Variants in CCSER1 observed in about 807,000 individuals in gnomAD.
CCSER1 encodes the protein serine-rich coiled-coil domain-containing protein 1.
In CCSER1, 41 loss-of-function variants were observed where a neutral mutation model predicts 82.0. The observed-to-expected ratio is 0.50, with a 90% confidence interval of 0.39 to 0.65. The LOEUF (loss-of-function observed/expected upper bound fraction) is 0.65, where lower values mean the gene tolerates loss of function less well. Among genes scored for constraint, CCSER1 ranks in the 30% least tolerant of loss-of-function variants. The pLI is 0.00. For missense variants in CCSER1, 1,119 were observed against 1,064.2 expected (o/e 1.05, Z -0.72); for synonymous variants, 414 against 383.9 (o/e 1.08, Z -0.92).
intron 10 of CCSER1, among the ~76,000 whole-genome samples, chr4:91,347,579 T>A (rs1424648519): frequency 6.6e-6 from 1 of 152,066 alleles, no homozygotes; most frequent in East Asian, 1.9e-4. Context: ...ATCTTGACAA[T>A]GTTAAGTATT....
intron 10 of CCSER1, among the ~76,000 whole-genome samples, chr4:91,094,874 G>A (rs1208877450): frequency 1.3e-5 from 2 of 152,134 alleles, no homozygotes; most frequent in Non-Finnish European, 2.9e-5. Context: ...GCCCTGTTTT[G>A]TAAAGGAAAT....
intron 1 of CCSER1, among the ~76,000 whole-genome samples, chr4:90,249,566 A>G (rs1264010139): frequency 6.6e-6 from 1 of 152,136 alleles, no homozygotes; most frequent in East Asian, 1.9e-4. Flanking sequence ...CTTATTCTGA[A>G]CACTTCATAT....
At chr4:90,915,850 A>G (rs1231688337) in intron 8 of CCSER1, among the ~76,000 whole-genome samples, 3 of 152,048 alleles carry the variant, frequency 2.0e-5, no homozygotes, top group Admixed American at 1.3e-4. Context: ...AAAAATCACA[A>G]GCATTCTTAT....
intron 5 of CCSER1, among the ~76,000 whole-genome samples, chr4:90,589,983 T>C (rs957512512): frequency 6.6e-6 from 1 of 152,184 alleles, no homozygotes; most frequent in Admixed American, 6.5e-5. Context: ...GTAAAAACAC[T>C]TAATTTTAGG....
chr4:91,065,608 T>C (rs1308266691), intron 9 of CCSER1, among the ~76,000 whole-genome samples: 1 of 152,092 alleles, frequency 6.6e-6, no homozygotes, highest in African/African-American at 2.4e-5. Flanking sequence ...CATATGGATT[T>C]AATTTTTGTG....
At chr4:91,344,401 ATCTACAT>A (rs1038516689) in intron 10 of CCSER1, among the ~76,000 whole-genome samples, 1 of 152,236 alleles carries the variant, frequency 6.6e-6, no homozygotes, top group Non-Finnish European at 1.5e-5. Context: ...ACAAAGAAAT[ATCTACAT>A]TCTACATTTT....
intron 8 of CCSER1, among the ~76,000 whole-genome samples, chr4:90,889,863 A>T (rs951584577): frequency 6.6e-6 from 1 of 152,168 alleles, no homozygotes; most frequent in Non-Finnish European, 1.5e-5. Context: ...CTTTATTTGA[A>T]ATAGTAGCTG....
chr4:90,328,272 A>G (rs536092860), intron 3 of CCSER1, among the ~76,000 whole-genome samples: 1 of 152,278 alleles, frequency 6.6e-6, no homozygotes, highest in South Asian at 2.1e-4. Flanking sequence ...TCTGAAGGCA[A>G]TTATCTTTGG....
chr4:91,350,122 A>G (rs1320710130), intron 10 of CCSER1, among the ~76,000 whole-genome samples: 1 of 144,482 alleles, frequency 6.9e-6, no homozygotes, highest in East Asian at 2.3e-4. Context: ...TAAACCTTTA[A>G]TACATAAATT....
intron 8 of CCSER1, among the ~76,000 whole-genome samples, chr4:90,914,311 A>G (rs1016593590): frequency 2.6e-5 from 4 of 152,224 alleles, no homozygotes; most frequent in African/African-American, 7.2e-5. Context: ...ACCACAGTGC[A>G]ATCAAACTAG....
At chr4:90,128,346 G>C (rs911148193) in intron 1 of CCSER1, among the ~76,000 whole-genome samples, 1 of 152,198 alleles carries the variant, frequency 6.6e-6, no homozygotes, top group Non-Finnish European at 1.5e-5. Flanking sequence ...GTGCGGGGCC[G>C]GGACCACCTC....
intron 10 of CCSER1, among the ~76,000 whole-genome samples, chr4:91,363,357 T>G (rs13116301): frequency 0.065 from 9,041 of 139,476 alleles, 399 homozygotes; most frequent in East Asian, 0.22. Flanking sequence ...TGGAGATATT[T>G]TGTGTGTGTG....
intron 10 of CCSER1, among the ~76,000 whole-genome samples, chr4:91,277,723 A>C (rs562093740): frequency 1.1e-4 from 16 of 150,492 alleles, no homozygotes; most frequent in African/African-American, 3.9e-4. Context: ...TTTCTCTACT[A>C]ATTTTGGGTT....
intron 1 of CCSER1, among the ~76,000 whole-genome samples, chr4:90,272,871 C>A (rs1198393412): frequency 2.6e-5 from 4 of 152,096 alleles, no homozygotes; most frequent in Admixed American, 2.6e-4. Flanking sequence ...AGCATGGTGG[C>A]ATGCGCCTGT....
chr4:90,902,654 G>T (rs912800225), intron 8 of CCSER1, among the ~76,000 whole-genome samples: 6 of 152,032 alleles, frequency 3.9e-5, no homozygotes, highest in African/African-American at 1.2e-4. Context: ...CTCCTGCAAG[G>T]CTTAGGGTGA....
At chr4:90,797,874 A>T (rs1283126314) in intron 7 of CCSER1, among the ~76,000 whole-genome samples, 1 of 152,152 alleles carries the variant, frequency 6.6e-6, no homozygotes, top group Non-Finnish European at 1.5e-5. Flanking sequence ...TTTGTAGGTG[A>T]CTTGGCCTTT....
intron 9 of CCSER1, among the ~76,000 whole-genome samples, chr4:90,945,273 T>C (rs571591428): frequency 6.6e-6 from 1 of 152,104 alleles, no homozygotes; most frequent in South Asian, 2.1e-4. Flanking sequence ...AAATTAGAGG[T>C]ATTTTTTAAA....
At chr4:90,898,457 T>C (rs181031886) in intron 8 of CCSER1, among the ~76,000 whole-genome samples, 2 of 150,610 alleles carry the variant, frequency 1.3e-5, no homozygotes, top group Non-Finnish European at 3.0e-5. Context: ...TTTTTTTTTT[T>C]TTGTATTTTT....
At chr4:91,030,283 C>G (rs1331332607) in intron 9 of CCSER1, among the ~76,000 whole-genome samples, 1 of 152,030 alleles carries the variant, frequency 6.6e-6, no homozygotes, top group African/African-American at 2.4e-5. Flanking sequence ...GAGATGCCAA[C>G]ATTGTCCAAA....
Sources: allele counts gnomAD v4.1 joint callset (sites outside exome capture counted in the v4.1 genomes callset), GRCh38; gene constraint gnomAD v4.1.1; transcripts MANE v1.5; gene names NCBI Gene and HGNC (gene_info 2026-07-23, HGNC 2026-07-21).